The following PCDHGA2 variants were observed in gnomAD, a reference collection of about 807,000 sequenced individuals.
The protein encoded by PCDHGA2 is protocadherin gamma-A2.
In PCDHGA2, 40 loss-of-function variants were observed where a neutral mutation model predicts 59.2. The observed-to-expected ratio is 0.68, with a 90% confidence interval of 0.52 to 0.88. The LOEUF is 0.88. PCDHGA2 is among the 40% of genes least tolerant of loss of function. PCDHGA2 has a pLI of 0.00. For missense variants in PCDHGA2, 1,226 were observed against 1,204.0 expected, an observed-to-expected ratio of 1.02 and a Z score of -0.27; for synonymous variants, 560 against 526.0, an observed-to-expected ratio of 1.06 and a Z score of -0.89.
intron 1 of PCDHGA2, chr5:141,346,629 C>A: frequency 1.0e-6 from 1 of 997,112 alleles, no homozygotes; most frequent in Non-Finnish European, 1.5e-6. Flanking sequence ...ACTCCCCGGT[C>A]TGGTTATGGT....
rs762443906 is a variant in PCDHGA2, at chr5:141,374,173, G to C, written c.2424+32778G>C. The C allele has an allele frequency of 3.1e-6, 5 of 1,613,352 alleles. No homozygotes were observed. The South Asian group carries it at 4.4e-5, about 14-fold the overall frequency. ...CGCTGTGGGGGGCCGCGGCAGCGCA[G>C]ATCCGCTACTCTATTCCCGAGGAGC... On this transcript the variant is annotated intron_variant, in intron 1 of 3. Coordinates refer to ENST00000394576, the MANE Select transcript of PCDHGA2 (RefSeq NM_018915.4).
In PCDHGA2 at chr5:141,477,147, A is replaced by G. The variant is rs1195888163; in HGVS notation, c.2425-17660A>G. On this transcript the variant is annotated intron_variant, in intron 1 of 3. Coordinates refer to ENST00000394576, the MANE Select transcript of PCDHGA2 (RefSeq NM_018915.4). The surrounding 1 kb of genome is among the most constrained non-coding windows in gnomAD (Gnocchi z 4.9). The stretch of plus-strand genomic sequence containing the variant: ...TGCAAAGTGTTGGTGGAGGTTGTGG[A>G]TGTGAATGACAACGCCCCGGAGATC... 2 of 1,614,168 alleles carry G rather than the reference A, an allele frequency of 1.2e-6. No individual in the cohort carries two copies. The highest frequency in any genetic ancestry group is 1.1e-5 in the South Asian group (1 of 91,080).
chr5:141,389,771 C>G, intron 1 of PCDHGA2: 1 of 1,613,206 alleles, frequency 6.2e-7, no homozygotes, highest in Non-Finnish European at 8.5e-7. Context: ...CAGCGCGTGC[C>G]TTAGGCGACA....
intron 1 of PCDHGA2, chr5:141,409,037 T>A: frequency 3.7e-6 from 6 of 1,613,992 alleles, no homozygotes; most frequent in Non-Finnish European, 5.1e-6. Context: ...TGAGATAAAC[T>A]ACTACTTCCG....
chr5:141,501,453 C>T (rs567794395), intron 2 of PCDHGA2, among the ~76,000 whole-genome samples: 1 of 152,094 alleles, frequency 6.6e-6, no homozygotes, highest in Non-Finnish European at 1.5e-5. Flanking sequence ...TTTTACTTTT[C>T]ACTATTCCCC....
At position 141,339,877 on chromosome 5, in the gene PCDHGA2, A is replaced by C; in HGVS notation, c.906A>C (p.Thr302=). The C allele has an allele frequency of 1.2e-6, 2 of 1,614,192 alleles. No individual in the cohort carries two copies. The highest frequency in any genetic ancestry group is 1.7e-6 in the Non-Finnish European group (2 of 1,180,012). The change falls in exon 1 of 4, where the codon ACA becomes ACC. Residue 302 remains threonine (T), a synonymous_variant. Coordinates refer to ENST00000394576, the MANE Select transcript of PCDHGA2 (RefSeq NM_018915.4). ...TTAAGTCAACATCTGGAGAACTGACAATCATAAAAGATCTAGATTATGAGG... is the reference window on the plus strand; with the variant it reads ...TTAAGTCAACATCTGGAGAACTGACCATCATAAAAGATCTAGATTATGAGG... ...FELKSTSGEL[T]IIKDLDYEDA... is the part of the protein sequence containing the mutation.
At position 141,511,424 on chromosome 5, in the gene PCDHGA2, G is replaced by A. The variant is rs939906846; in HGVS notation, c.*251G>A. 10 of 810,392 alleles carry A rather than the reference G, an allele frequency of 1.2e-5. No homozygotes were observed. Among genetic ancestry groups the A allele is most frequent in the East Asian group, 3.0e-5 (1 of 33,800 alleles). The allele number at this position is 810,392 out of a possible 1,614,324, so 50.2% of individuals were successfully genotyped here. On this transcript the variant is annotated 3_prime_UTR_variant, in exon 4 of 4. Transcript: ENST00000394576. The stretch of plus-strand genomic sequence containing the variant: ...ATCAACTGCTGTACCCATGGGGGTA[G>A]TGGGGTTACTGTAGACACCAAGAAC...
At chr5:141,396,821 G>A (rs934244827) in intron 1 of PCDHGA2, among the ~76,000 whole-genome samples, 5 of 152,314 alleles carry the variant, frequency 3.3e-5, no homozygotes, top group Middle Eastern at 3.4e-3. Context: ...ACTGTATGGT[G>A]CATATTCAGT....
Position 141,351,668 on chromosome 5 carries a change from G to A in PCDHGA2, c.2424+10273G>A, listed in dbSNP as rs779945717. The stretch of plus-strand genomic sequence containing the variant: ...CCCACCTGGCGCCTCCATTGCACAA[G>A]TAAGCGCCTCCGACCCGGATTTGGG... On this transcript the variant is annotated intron_variant, in intron 1 of 3. Coordinates refer to ENST00000394576, the MANE Select transcript of PCDHGA2 (RefSeq NM_018915.4). 9 of 1,614,026 alleles carry A rather than the reference G, an allele frequency of 5.6e-6. No individual in the cohort carries two copies. In the Admixed American group the frequency reaches 6.7e-5, roughly 12 times the overall value.
At chr5:141,380,758 T>C (rs1382076690) in intron 1 of PCDHGA2, among the ~76,000 whole-genome samples, 1 of 152,222 alleles carries the variant, frequency 6.6e-6, no homozygotes, top group Non-Finnish European at 1.5e-5. Flanking sequence ...CAAGACACTA[T>C]AAATTAATTG....
At chr5:141,409,735 C>T (rs763035733) in intron 1 of PCDHGA2, 1 of 1,613,006 alleles carries the variant, frequency 6.2e-7, no homozygotes, top group Admixed American at 1.7e-5. Context: ...GCGCGCAGAG[C>T]GGGGTGGTGT....
intron 1 of PCDHGA2, chr5:141,385,530 A>T (rs1020257746): frequency 2.5e-4 from 336 of 1,356,078 alleles, no homozygotes; most frequent in Non-Finnish European, 2.9e-4. Flanking sequence ...GGACAAGATT[A>T]TGAATATGTG....
At chr5:141,458,774 A>G (rs2154566349) in intron 1 of PCDHGA2, among the ~76,000 whole-genome samples, 1 of 151,812 alleles carries the variant, frequency 6.6e-6, no homozygotes, top group Admixed American at 6.6e-5. Flanking sequence ...GCTGTGTCAC[A>G]CAGGCTGGAG....
At chr5:141,395,220 G>A (rs1331532806) in intron 1 of PCDHGA2, 1 of 1,611,732 alleles carries the variant, frequency 6.2e-7, no homozygotes, top group Non-Finnish European at 8.5e-7. Flanking sequence ...ATATAAGAAT[G>A]AAGCTGATCA....
rs759346998 is a variant in PCDHGA2, at chr5:141,410,849, CTTTTTTTTTT to C, written c.2424+69467_2424+69476del. Reference sequence around the variant, plus strand: ...CAGACTGAAGATATTTTGTCTTTGTCTTTTTTTTTTTTTTTTTTTTTTGAGATGGAGTCTC... The same window carrying C: ...CAGACTGAAGATATTTTGTCTTTGTCTTTTTTTTTTTTGAGATGGAGTCTC... On this transcript the variant is annotated intron_variant, in intron 1 of 3. Coordinates refer to ENST00000394576, the MANE Select transcript of PCDHGA2 (RefSeq NM_018915.4). 8 of 138,182 alleles carry C rather than the reference CTTTTTTTTTT, an allele frequency of 5.8e-5. 2 individuals are homozygous for C. The highest frequency in any genetic ancestry group is 7.3e-5 in the Non-Finnish European group (6 of 82,424). 8.6% of individuals were successfully genotyped at this position (138,182 alleles called of 1,614,324 possible). A position where few individuals can be genotyped will look rare whatever the true frequency, so the allele number is the denominator to read the frequency against.
In PCDHGA2 at chr5:141,339,892, A is replaced by G; in HGVS notation, c.921A>G (p.Leu307=). The change falls in exon 1 of 4, where the codon CTA becomes CTG. Residue 307 remains leucine (L), a synonymous_variant. Transcript: ENST00000394576. ...TSGELTIIKD[L]DYEDATFHEI... Reference sequence around the variant, plus strand: ...GAGAACTGACAATCATAAAAGATCTAGATTATGAGGATGCTACATTCCATG... The same window carrying G: ...GAGAACTGACAATCATAAAAGATCTGGATTATGAGGATGCTACATTCCATG... 1 of 1,614,162 alleles carries G rather than the reference A, an allele frequency of 6.2e-7. No homozygotes were observed. The highest frequency in any genetic ancestry group is 8.5e-7 in the Non-Finnish European group (1 of 1,179,990).
intron 1 of PCDHGA2, chr5:141,475,850 G>C (rs2099376325): frequency 8.6e-6 from 4 of 464,524 alleles, no homozygotes; most frequent in Non-Finnish European, 1.5e-5. Flanking sequence ...AGAGAGCCCG[G>C]CGCTAGCTCA....
At chr5:141,505,344 AGCT>A in intron 2 of PCDHGA2, 46 bp from the exon 3 acceptor site, 1 of 1,613,046 alleles carries the variant, frequency 6.2e-7, no homozygotes, top group South Asian at 1.1e-5. Flanking sequence ...GAGGGGCATG[AGCT>A]GTGCCGGCCT....
chr5:141,494,740 T>C, intron 1 of PCDHGA2, 67 bp from the exon 2 acceptor site: 1 of 1,612,194 alleles, frequency 6.2e-7, no homozygotes, highest in Non-Finnish European at 8.5e-7. Context: ...GGCCCATCCC[T>C]AGGGGCTCGG....
Sources: gnomAD v4.1 joint callset for allele counts (sites outside exome capture counted in the v4.1 genomes callset) on GRCh38, gnomAD v4.1.1 for gene constraint, Gnocchi (gnomAD v3.1) non-coding constraint, MANE v1.5 for transcripts, NCBI Gene and HGNC (gene_info 2026-07-23, HGNC 2026-07-21) for gene names.